The following CNTN5 variants were observed in gnomAD, a reference collection of about 807,000 sequenced individuals.
CNTN5 encodes the protein contactin 5.
CNTN5 carries 77 observed loss-of-function variants against 129.1 expected under a neutral mutation model. The observed-to-expected ratio is 0.60, with a 90% CI of 0.50 to 0.72. CNTN5 has a LOEUF of 0.72. CNTN5 is among the 30% of genes least tolerant of loss of function. CNTN5 has a pLI of 0.00. For synonymous variants in CNTN5, 509 were observed against 465.6 expected, an observed-to-expected ratio of 1.09 and a Z score of -1.20; for missense variants, 1,478 against 1,328.8, an observed-to-expected ratio of 1.11 and a Z score of -1.75.
chr11:99,320,335 C>A (rs187029037), intron 1 of CNTN5, among the ~76,000 whole-genome samples: 1 of 152,062 alleles, frequency 6.6e-6, no homozygotes, highest in African/African-American at 2.4e-5. Context: ...CAGTGGAAGA[C>A]GAGATGATTA....
At chr11:100,218,955 T>C (rs1385471605) in intron 15 of CNTN5, among the ~76,000 whole-genome samples, 1 of 152,032 alleles carries the variant, frequency 6.6e-6, no homozygotes, top group Non-Finnish European at 1.5e-5. Context: ...AGACAGAGAG[T>C]TGATCACAAA....
intron 3 of CNTN5, among the ~76,000 whole-genome samples, chr11:99,653,050 C>A (rs1952218606): frequency 6.6e-6 from 1 of 151,874 alleles, no homozygotes; most frequent in Non-Finnish European, 1.5e-5. Flanking sequence ...AAAGAAAAAA[C>A]AATTGTTTAT....
chr11:99,651,340 A>G (rs916114661), intron 3 of CNTN5, among the ~76,000 whole-genome samples: 2 of 151,956 alleles, frequency 1.3e-5, no homozygotes, highest in African/African-American at 4.8e-5. Flanking sequence ...AAAGAAGTTA[A>G]AATATAAGCA....
In CNTN5 at chr11:99,286,040, G is replaced by GAAA. The variant is rs1555101324; in HGVS notation, c.-209-39289_-209-39287dup. On this transcript the variant is annotated intron_variant, in intron 1 of 24. Coordinates refer to ENST00000524871, the MANE Select transcript of CNTN5 (RefSeq NM_014361.4). ...GCGACAGAGCAAGACTCCATCTGGA[G>GAAA]AAAAAAAAAAAAAAAAAAAGCAGAG... Among the ~76,000 whole-genome samples the GAAA allele has an allele frequency of 5.2e-4, 48 of 92,970 alleles. 2 individuals are homozygous for GAAA. Among genetic ancestry groups the GAAA allele is most frequent in the African/African-American group, 1.5e-3 (41 of 26,512 alleles). The allele number at this position is 92,970 out of a possible 152,430, so 61.0% of individuals were successfully genotyped here.
At chr11:99,543,540 G>A (rs948602225) in intron 2 of CNTN5, among the ~76,000 whole-genome samples, 1 of 152,156 alleles carries the variant, frequency 6.6e-6, no homozygotes, top group Non-Finnish European at 1.5e-5. Context: ...CAAAGATTGT[G>A]TGAGTCAATC....
intron 1 of CNTN5, among the ~76,000 whole-genome samples, chr11:99,134,066 G>A (rs552698896): frequency 9.2e-5 from 14 of 152,258 alleles, no homozygotes; most frequent in East Asian, 1.9e-4. Flanking sequence ...GGAATACTAC[G>A]CAGCTATGAA....
At chr11:99,463,108 A>AAAATAAGT (rs1944783323) in intron 2 of CNTN5, among the ~76,000 whole-genome samples, 1 of 121,118 alleles carries the variant, frequency 8.3e-6, no homozygotes, top group Non-Finnish European at 1.7e-5. Context: ...ACTCCATCTC[A>AAAATAAGT]AAATAAATAA....
chr11:99,353,013 G>A lies in CNTN5; in HGVS notation c.-71+27529G>A, dbSNP rs150089354. On this transcript the variant is annotated intron_variant, in intron 2 of 24. Coordinates refer to ENST00000524871, the MANE Select transcript of CNTN5 (RefSeq NM_014361.4). Reference sequence around the variant, plus strand: ...AGAGCCGGGCGGTGAATCTCTTGTCGTTCCTTTCTTCTGTGCCATCATTAG... The same window carrying A: ...AGAGCCGGGCGGTGAATCTCTTGTCATTCCTTTCTTCTGTGCCATCATTAG... Among the ~76,000 whole-genome samples the A allele has an allele frequency of 3.8e-3, 572 of 152,176 alleles. 3 individuals are homozygous for A. Among genetic ancestry groups the A allele is most frequent in the African/African-American group, 0.013 (527 of 41,532 alleles).
chr11:100,027,337 A>C (rs1209774252), intron 9 of CNTN5, among the ~76,000 whole-genome samples: 1 of 152,150 alleles, frequency 6.6e-6, no homozygotes, highest in Non-Finnish European at 1.5e-5. Context: ...TTATTCTTTC[A>C]GTTCCTATAT....
At chr11:99,370,032 A>T (rs1437041327) in intron 2 of CNTN5, among the ~76,000 whole-genome samples, 1 of 152,188 alleles carries the variant, frequency 6.6e-6, no homozygotes, top group Non-Finnish European at 1.5e-5. Flanking sequence ...TGGAGAAAAA[A>T]TCTTGACAAA....
At chr11:99,554,826 G>A (rs1948613395) in intron 2 of CNTN5, among the ~76,000 whole-genome samples, 1 of 151,948 alleles carries the variant, frequency 6.6e-6, no homozygotes, top group African/African-American at 2.4e-5. Flanking sequence ...AAAAAGCAGT[G>A]TATAAATAAC....
At chr11:99,465,894 T>TTC (rs1554995295) in intron 2 of CNTN5, among the ~76,000 whole-genome samples, 51 of 147,926 alleles carry the variant, frequency 3.4e-4, no homozygotes, top group African/African-American at 1.3e-3. Flanking sequence ...TTTTTTTTTT[T>TTC]CCTTTGAGAC....
At chr11:100,100,634 A>G (rs1044227032) in intron 13 of CNTN5, among the ~76,000 whole-genome samples, 1 of 152,142 alleles carries the variant, frequency 6.6e-6, no homozygotes. Flanking sequence ...GATTAGTCAA[A>G]TTGATGAATC....
chr11:99,813,095 CCATAT>C (rs1363329508), intron 3 of CNTN5, among the ~76,000 whole-genome samples: 7 of 151,958 alleles, frequency 4.6e-5, no homozygotes, highest in African/African-American at 1.7e-4. Flanking sequence ...TTATTCATGG[CCATAT>C]CACCTGTTCC....
chr11:99,768,226 G>T (rs899591159), intron 3 of CNTN5, among the ~76,000 whole-genome samples: 4 of 152,056 alleles, frequency 2.6e-5, no homozygotes, highest in Admixed American at 6.6e-5. Flanking sequence ...TAGATAGGTA[G>T]ATTATATTAA....
At chr11:99,111,277 A>G (rs1358799687) in intron 1 of CNTN5, among the ~76,000 whole-genome samples, 2 of 152,028 alleles carry the variant, frequency 1.3e-5, no homozygotes, top group African/African-American at 4.8e-5. Flanking sequence ...CTCTTTGTCT[A>G]TAAGTGGTGT....
At chr11:99,637,133 GATA>G (rs1951593239) in intron 3 of CNTN5, among the ~76,000 whole-genome samples, 1 of 146,342 alleles carries the variant, frequency 6.8e-6, no homozygotes, top group Admixed American at 6.9e-5. Context: ...ATTATTTAAT[GATA>G]ATAATCATTA....
intron 3 of CNTN5, among the ~76,000 whole-genome samples, chr11:99,816,474 A>T (rs1326482207): frequency 1.3e-5 from 2 of 152,168 alleles, no homozygotes; most frequent in Non-Finnish European, 2.9e-5. Flanking sequence ...CTTTACCTCA[A>T]GCTCTTGCCT....
intron 1 of CNTN5, among the ~76,000 whole-genome samples, chr11:99,105,222 A>T (rs1866939099): frequency 6.6e-6 from 1 of 152,064 alleles, no homozygotes. Flanking sequence ...GATAACTGAG[A>T]TAATTCTAGT....
Sources: allele counts gnomAD v4.1 joint callset (sites outside exome capture counted in the v4.1 genomes callset), GRCh38; gene constraint gnomAD v4.1.1; transcripts MANE v1.5; gene names NCBI Gene and HGNC (gene_info 2026-07-23, HGNC 2026-07-21).